Variants in CLEC4M observed in about 807,000 individuals in gnomAD.
The protein encoded by CLEC4M is CD209 antigen-like protein 1.
In CLEC4M, 25 loss-of-function variants were observed where a neutral mutation model predicts 39.1. The ratio of observed to expected loss-of-function variants is 0.64; its 90% CI spans 0.47 to 0.89. CLEC4M has a LOEUF of 0.89. CLEC4M is among the 40% of genes least tolerant of loss of function. CLEC4M has a pLI of 0.00. For synonymous variants in CLEC4M, 155 were observed against 177.4 expected (o/e 0.87, Z 1.00); for missense variants, 353 against 431.4 (o/e 0.82, Z 1.61).
intron 6 of CLEC4M, 23 bp from the exon 7 acceptor site, chr19:7,768,815 C>T: frequency 1.2e-6 from 2 of 1,611,314 alleles, no homozygotes; most frequent in South Asian, 2.2e-5. Flanking sequence ...GGCAGAGGCT[C>T]ACATTCTGCA....
intron 6 of CLEC4M, 198 bp from the exon 7 acceptor site, chr19:7,768,640 T>G: frequency 2.0e-6 from 1 of 489,040 alleles, no homozygotes; most frequent in Non-Finnish European, 3.6e-6. Context: ...TCAGTAGGAG[T>G]CCTCCCAAGG....
At position 7,767,504 on chromosome 19, in the gene CLEC4M, T is replaced by C. The variant is rs201807300; in HGVS notation, c.937-12T>C. ...AGCAGAGCTCCCTCCTGACTCCTCCTCTACCCTCCAGAACTTCCTACAGCT... is the reference window on the plus strand; with the variant it reads ...AGCAGAGCTCCCTCCTGACTCCTCCCCTACCCTCCAGAACTTCCTACAGCT... On this transcript the variant is annotated splice_polypyrimidine_tract_variant and intron_variant, in intron 5 of 6. Coordinates refer to ENST00000327325, the MANE Select transcript of CLEC4M (RefSeq NM_014257.5). The C allele has an allele frequency of 4.7e-5, 75 of 1,608,374 alleles. 1 individual carries two copies. In the Admixed American group the frequency reaches 1.2e-3, roughly 25 times the overall value.
At chr19:7,765,335 A>G in intron 3 of CLEC4M, 67 bp downstream of exon 3, 2 of 1,563,000 alleles carry the variant, frequency 1.3e-6, no homozygotes, top group East Asian at 4.5e-5. Flanking sequence ...CAGAGCCTGG[A>G]GTGGCCAGGT....
intron 1 of CLEC4M, 26 bp downstream of exon 1, chr19:7,763,338 T>A: frequency 6.2e-7 from 1 of 1,612,136 alleles, no homozygotes; most frequent in Non-Finnish European, 8.5e-7. Context: ...AACTCTGGGA[T>A]CCTGGGTAAG....
intron 3 of CLEC4M, 24 bp downstream of exon 3, chr19:7,765,292 T>TG: frequency 6.2e-7 from 1 of 1,613,296 alleles, no homozygotes; most frequent in Non-Finnish European, 8.5e-7. Flanking sequence ...TCTGAGGGTC[T>TG]GGGGTCCCCA....
rs2034105697 is a variant in CLEC4M at position 7,763,473 on chromosome 19, A to G, written c.127A>G (p.Thr43Ala). ...FQQIHGHKSSTGCLGHGALVL... is the reference protein window; with the variant it reads ...FQQIHGHKSSAGCLGHGALVL... ...GCAGATACATGGCCACAAGAGCTCT[A>G]CAGGTAGGCAAGAGTTAGGGAGCAG... The change falls in exon 2 of 7, where the codon ACA becomes GCA. Residue 43 changes from threonine to alanine, a missense_variant. Thr to Ala is a moderately conservative substitution (Grantham distance 58). This residue lies in a region of CLEC4M where 91 missense variants were observed against 77.8 expected (regional missense o/e 1.17). Transcript: ENST00000327325. 1 of 1,613,674 alleles carries G rather than the reference A, an allele frequency of 6.2e-7. No homozygotes were observed. Among genetic ancestry groups the G allele is most frequent in the Non-Finnish European group, 8.5e-7 (1 of 1,179,688 alleles).
In CLEC4M at chr19:7,766,231, C is replaced by CAA. The variant is rs776429090; in HGVS notation, c.784+24_784+25insAA. ...TGGTGAGTTCCTGCACATCAAGGGT[C>CAA]CTTGGGCCTGAGATGGTCTCTGTGT... On this transcript the variant is annotated intron_variant, in intron 4 of 6. Transcript: ENST00000327325. 2.6e-5 allele frequency: 42 copies of CAA among 1,613,050 alleles called. No homozygotes were observed. In the African/African-American group the frequency reaches 5.5e-4, roughly 21 times the overall value.
chr19:7,766,911 T>G, intron 5 of CLEC4M, 104 bp downstream of exon 5: 1 of 1,571,982 alleles, frequency 6.4e-7, no homozygotes, highest in Admixed American at 1.8e-5. Flanking sequence ...TTTGCTCTAT[T>G]TGGAAAGATG....
intron 3 of CLEC4M, 40 bp from the exon 4 acceptor site, chr19:7,765,598 A>C (rs762726617): frequency 1.7e-4 from 280 of 1,612,702 alleles, no homozygotes; most frequent in Non-Finnish European, 2.4e-4. Context: ...GGCACACAGT[A>C]GGTGTTTAAT....
intron 1 of CLEC4M, 32 bp downstream of exon 1, chr19:7,763,344 G>C (rs754233363): frequency 7.4e-6 from 12 of 1,612,572 alleles, no homozygotes; most frequent in Non-Finnish European, 1.0e-5. Context: ...GGGATCCTGG[G>C]TAAGGGGAAG....
In CLEC4M at chr19:7,767,782, C is replaced by A. The variant is rs368288627; in HGVS notation, c.1049+154C>A. 2.6e-5 allele frequency: 16 copies of A among 608,102 alleles called. No individual in the cohort carries two copies. In the Admixed American group the frequency reaches 4.3e-4, roughly 16 times the overall value. The allele number at this position is 608,102 out of a possible 1,614,324, so 37.7% of individuals were successfully genotyped here. On this transcript the variant is annotated intron_variant, in intron 6 of 6. Coordinates refer to ENST00000327325, the MANE Select transcript of CLEC4M (RefSeq NM_014257.5). ...AGTTGAGGAAGGTGGTCTTCATACC[C>A]ACCTCCAGACAGGATGAAAGGTGCC...
In CLEC4M at chr19:7,767,183, G is replaced by A. The variant is rs1879035746; in HGVS notation, c.937-333G>A. ...TCAGTGCAGAGCTGAAAGGAGATGT[G>A]CTGGACCAGCAATTAGTAGTGGGTC... On this transcript the variant is annotated intron_variant, in intron 5 of 6. Transcript: ENST00000327325. 2.1e-5 allele frequency: 9 copies of A among 425,140 alleles called. No homozygotes were observed. In the South Asian group the frequency reaches 2.4e-4, roughly 11 times the overall value. 26.3% of individuals were successfully genotyped at this position (425,140 alleles called of 1,614,324 possible). A position where few individuals can be genotyped will look rare whatever the true frequency, so the allele number is the denominator to read the frequency against.
chr19:7,767,842 G>T (rs750395824), intron 6 of CLEC4M: 2 of 538,194 alleles, frequency 3.7e-6, no homozygotes, highest in Non-Finnish European at 3.3e-6. Context: ...GGAGGAGCTT[G>T]CCCTGTGGGT....
chr19:7,768,629 C>T, intron 6 of CLEC4M: 2 of 454,788 alleles, frequency 4.4e-6, no homozygotes, highest in Non-Finnish European at 7.8e-6. Context: ...AAATCACAGC[C>T]TCAGTAGGAG....
Position 7,765,074 on chromosome 19 carries a change from G to T in CLEC4M, c.131-111G>T, listed in dbSNP as rs889910236. ...GATTCCCAGGTGTTGGAGTGGAGGG[G>T]GCTGGGGCTGGGGTTCCTGGGTCCT... is the stretch of plus-strand genomic sequence containing the variant. On this transcript the variant is annotated intron_variant, in intron 2 of 6. Coordinates refer to ENST00000327325, the MANE Select transcript of CLEC4M (RefSeq NM_014257.5). The T allele has an allele frequency of 1.3e-4, 148 of 1,146,272 alleles. 1 individual carries two copies. In the Admixed American group the frequency reaches 2.0e-3, roughly 15 times the overall value. 71.0% of individuals were successfully genotyped at this position (1,146,272 alleles called of 1,614,324 possible).
In CLEC4M at chr19:7,763,528, T is replaced by G. The variant is rs73921563; in HGVS notation, c.130+52T>G. 9.9e-4 allele frequency: 1,477 copies of G among 1,487,138 alleles called. 13 individuals are homozygous for G. In the African/African-American group the frequency reaches 0.018, roughly 18 times the overall value. The allele number at this position is 1,487,138 out of a possible 1,614,324, so 92.1% of individuals were successfully genotyped here. A position where few individuals can be genotyped will look rare whatever the true frequency, so the allele number is the denominator to read the frequency against. ...TGGAAGACAGAGCCTCCCAGACCCCTGGGTCCTGGGGAGGTAGGTGTTGGG... is the reference window on the plus strand; with the variant it reads ...TGGAAGACAGAGCCTCCCAGACCCCGGGGTCCTGGGGAGGTAGGTGTTGGG... On this transcript the variant is annotated intron_variant, in intron 2 of 6. Coordinates refer to ENST00000327325, the MANE Select transcript of CLEC4M (RefSeq NM_014257.5).
rs768784019 is a variant in CLEC4M, at chr19:7,766,618, C to A, written c.785-38C>A. 12 of 1,613,212 alleles carry A rather than the reference C, an allele frequency of 7.4e-6. No individual in the cohort carries two copies. The Admixed American group carries it at 2.0e-4, about 27-fold the overall frequency. ...GGGCAGATATGGGAATATGGACAAC[C>A]TAATCTGAGCCCAGCCCTGACCAGC... is the stretch of plus-strand genomic sequence containing the variant. On this transcript the variant is annotated intron_variant, in intron 4 of 6. Transcript: ENST00000327325.
In CLEC4M at chr19:7,768,828, G is replaced by A. The variant is rs1405192138; in HGVS notation, c.1050-10G>A. On this transcript the variant is annotated splice_polypyrimidine_tract_variant and intron_variant, in intron 6 of 6. Transcript: ENST00000327325. Reference sequence around the variant, plus strand: ...AGGGCAGAGGCTCACATTCTGCATGGGCTTTGCAGCTTCCAGCGGTACTGG... The same window carrying A: ...AGGGCAGAGGCTCACATTCTGCATGAGCTTTGCAGCTTCCAGCGGTACTGG... 1 of 1,613,302 alleles carries A rather than the reference G, an allele frequency of 6.2e-7. No individual in the cohort carries two copies.
Position 7,766,676 on chromosome 19 carries a change from C to T in CLEC4M, c.805C>T (p.Pro269Ser). 3 of 1,614,248 alleles carry T rather than the reference C, an allele frequency of 1.9e-6. No individual in the cohort carries two copies. The highest frequency in any genetic ancestry group is 2.5e-6 in the Non-Finnish European group (3 of 1,180,042). The change falls in exon 5 of 7, where the codon CCC becomes TCC. Residue 269 changes from proline (P) to serine (S), a missense_variant. By Grantham distance (74) the Pro-to-Ser change is moderately conservative. Around this residue, in one of 4 missense-constraint regions of CLEC4M, gnomAD observed 196 missense variants for 211.7 expected, o/e 0.93. Transcript: ENST00000327325. ...TAFERLCRHC[P>S]KDWTFFQGNC... The stretch of plus-strand genomic sequence containing the variant: ...AACAGAACGCCTGTGCCGCCACTGT[C>T]CCAAGGACTGGACATTCTTCCAAGG...
Sources: allele counts gnomAD v4.1 joint callset, GRCh38; gene constraint gnomAD v4.1.1; regional missense constraint gnomAD v4.1.1; transcripts MANE v1.5; gene names NCBI Gene and HGNC (gene_info 2026-07-23, HGNC 2026-07-21).